The following PI4KA variants were observed in gnomAD, a reference collection of about 807,000 sequenced individuals.
The protein encoded by PI4KA is PI4-kinase alpha.
In PI4KA, 122 loss-of-function variants were observed where a neutral mutation model predicts 271.4. The ratio of observed to expected loss-of-function variants is 0.45; its 90% CI spans 0.39 to 0.52. The LOEUF (loss-of-function observed/expected upper bound fraction) is 0.52, where lower values mean the gene tolerates loss of function less well. Ranked by LOEUF, PI4KA falls within the 20% of genes least tolerant of loss-of-function variation. PI4KA has a pLI of 0.00. For missense variants in PI4KA, 1,969 were observed against 2,769.1 expected (o/e 0.71, Z 6.48); for synonymous variants, 1,041 against 1,078.8 (o/e 0.96, Z 0.69).
chr22:20,737,031 G>A (rs1264823895), intron 32 of PI4KA, among the ~76,000 whole-genome samples: 1 of 152,260 alleles, frequency 6.6e-6, no homozygotes, highest in Admixed American at 6.5e-5. Flanking sequence ...GTCTGGAGCT[G>A]TGGTTGGACC....
intron 7 of PI4KA, among the ~76,000 whole-genome samples, chr22:20,815,379 C>CAAAAAAAAAAAAAAAAAAA (rs361826): frequency 8.3e-5 from 7 of 83,966 alleles, no homozygotes; most frequent in Admixed American, 1.3e-4. Context: ...GACTGCGTCT[C>CAAAAAAAAAAAAAAAAAAA]AAAAAAAAAA....
At chr22:20,757,888 T>G (rs1294328848) in intron 23 of PI4KA, among the ~76,000 whole-genome samples, 4 of 152,162 alleles carry the variant, frequency 2.6e-5, no homozygotes, top group Non-Finnish European at 4.4e-5. Flanking sequence ...CTGAATAATG[T>G]GCTAGGTGCT....
intron 29 of PI4KA, among the ~76,000 whole-genome samples, chr22:20,746,563 G>T (rs949266588): frequency 6.6e-6 from 1 of 152,130 alleles, no homozygotes; most frequent in Admixed American, 6.5e-5. Context: ...CCCCCAAAAA[G>T]GAAAAGGCTT....
At chr22:20,769,394 G>C (rs889807481) in intron 19 of PI4KA, among the ~76,000 whole-genome samples, 2 of 152,194 alleles carry the variant, frequency 1.3e-5, no homozygotes, top group African/African-American at 4.8e-5. Context: ...GTCAGGCCAG[G>C]TGTGGTGGCT....
chr22:20,760,384 A>G (rs1931841146), intron 23 of PI4KA, among the ~76,000 whole-genome samples: 1 of 152,190 alleles, frequency 6.6e-6, no homozygotes, highest in South Asian at 2.1e-4. Context: ...GTGCCCTTAC[A>G]CTAAAACTGG....
At position 20,711,528 on chromosome 22, in the gene PI4KA, C is replaced by A; in HGVS notation, c.5803-67G>T. The A allele has an allele frequency of 3.6e-6, 4 of 1,104,492 alleles. No homozygotes were observed. The South Asian group carries it at 4.1e-5, about 11-fold the overall frequency. 68.4% of individuals were successfully genotyped at this position (1,104,492 alleles called of 1,614,324 possible). A position where few individuals can be genotyped will look rare whatever the true frequency, so the allele number is the denominator to read the frequency against. On this transcript the variant is annotated intron_variant, in intron 50 of 54. Transcript: ENST00000255882. ...TGTGGGCATTCTCCCTGGTCCCACA[C>A]CCAGGATCCCTGGGCCTGTGGGCAC... is the stretch of plus-strand genomic sequence containing the variant.
chr22:20,711,138 C>T lies in PI4KA; in HGVS notation c.5923+203G>A, dbSNP rs1257886638. 7.3e-6 allele frequency: 4 copies of T among 549,142 alleles called. 1 individual carries two copies. The African/African-American group carries it at 1.0e-4, about 14-fold the overall frequency. The allele number at this position is 549,142 out of a possible 1,614,324, so 34.0% of individuals were successfully genotyped here. On this transcript the variant is annotated intron_variant, in intron 51 of 54. Coordinates refer to ENST00000255882, the MANE Select transcript of PI4KA (RefSeq NM_058004.4). ...CTTCTGACTCAGAGCAATGGCGGCT[C>T]TCGCCCTAGCTCCCTGGGGCCGGGG...
chr22:20,749,513 G>A (rs1192604043), intron 28 of PI4KA, among the ~76,000 whole-genome samples: 1 of 152,274 alleles, frequency 6.6e-6, no homozygotes, highest in Non-Finnish European at 1.5e-5. Context: ...CTCTGCCTCT[G>A]CTCCACCAGC....
At chr22:20,843,209 C>T (rs1011550079) in intron 1 of PI4KA, among the ~76,000 whole-genome samples, 1 of 151,800 alleles carries the variant, frequency 6.6e-6, no homozygotes, top group East Asian at 1.9e-4. Flanking sequence ...GAAAAAAATA[C>T]GGCCAGGCAT....
intron 22 of PI4KA, 116 bp downstream of exon 22, chr22:20,764,701 G>A: frequency 1.7e-6 from 2 of 1,177,556 alleles, no homozygotes; most frequent in Non-Finnish European, 2.3e-6. Context: ...TGGTTTTTCA[G>A]AAAGTTTGCA....
rs763370709 is a variant in PI4KA at position 20,819,911 on chromosome 22, A to G, written c.530-11T>C. 1 of 1,609,822 alleles carries G rather than the reference A, an allele frequency of 6.2e-7. No homozygotes were observed. The highest frequency in any genetic ancestry group is 2.2e-5 in the East Asian group (1 of 44,860). ...ACTTGCAAAGGTATTCTAGAAGATC[A>G]AGTGAAAACGTTACAATATAAGAAA... On this transcript the variant is annotated splice_polypyrimidine_tract_variant and intron_variant, in intron 5 of 54. Coordinates refer to ENST00000255882, the MANE Select transcript of PI4KA (RefSeq NM_058004.4).
In PI4KA at chr22:20,803,267, C is replaced by A. The variant is rs777116364; in HGVS notation, c.1515G>T (p.Pro505=). The A allele has an allele frequency of 2.5e-6, 4 of 1,614,058 alleles. No homozygotes were observed. The highest frequency in any genetic ancestry group is 3.4e-6 in the Non-Finnish European group (4 of 1,179,932). The part of the protein sequence containing the change: ...RFPVVVHSVT[P]SLRDFLVIPS... ...GGATGACCAGGAAGTCTCGCAAGGA[C>A]GGTGTCACAGAGTGCACCACCACCG... The change falls in exon 13 of 55, where the codon CCG becomes CCT. Residue 505 remains proline (P), a synonymous_variant. Coordinates refer to ENST00000255882, the MANE Select transcript of PI4KA (RefSeq NM_058004.4).
At chr22:20,822,814 G>A (rs986826815) in intron 4 of PI4KA, among the ~76,000 whole-genome samples, 1 of 152,232 alleles carries the variant, frequency 6.6e-6, no homozygotes, top group Non-Finnish European at 1.5e-5. Context: ...TGAAGTTGGT[G>A]TGACATGACT....
rs577795177 is a variant in PI4KA at position 20,730,027 on chromosome 22, T to C, written c.4289-16A>G. On this transcript the variant is annotated splice_polypyrimidine_tract_variant and intron_variant, in intron 36 of 54. Transcript: ENST00000255882. ...TCCTGATTATCTGAGGGCAAACACA[T>C]TGTTGATTCTAGAGTGAGGTGGCTC... is the stretch of plus-strand genomic sequence containing the variant. 6.8e-6 allele frequency: 11 copies of C among 1,613,726 alleles called. No homozygotes were observed. Among genetic ancestry groups the C allele is most frequent in the South Asian group, 5.5e-5 (5 of 91,042 alleles).
At chr22:20,793,334 C>T in intron 18 of PI4KA, 91 bp from the exon 19 acceptor site, 1 of 730,248 alleles carries the variant, frequency 1.4e-6, no homozygotes, top group Non-Finnish European at 2.4e-6. Context: ...GTTATGTAAA[C>T]CTGGAATGTC....
At chr22:20,751,637 G>C in intron 26 of PI4KA, 37 bp downstream of exon 26, 2 of 1,530,956 alleles carry the variant, frequency 1.3e-6, no homozygotes, top group Non-Finnish European at 9.1e-7. Context: ...GGTAGAGCGG[G>C]TGGTGTTTGG....
rs970082911 is a variant in PI4KA at position 20,781,334 on chromosome 22, G to A, written c.2328+11859C>T. 2.0e-5 allele frequency among the ~76,000 whole-genome samples: 3 copies of A among 152,204 alleles called. 1 individual carries two copies. On this transcript the variant is annotated intron_variant, in intron 19 of 54. Coordinates refer to ENST00000255882, the MANE Select transcript of PI4KA (RefSeq NM_058004.4). ...AACACGAGGAATGGTTCGGCTTCAG[G>A]ACTAATTGCGGTGACACACAACCAC...
Position 20,788,061 on chromosome 22 carries a change from C to T in PI4KA, c.2328+5132G>A, listed in dbSNP as rs143333775. ...GGAATATGTTTCTGGATCCTTCAAT[C>T]CCTGGGTAAGACAAGTGAAATCCAC... On this transcript the variant is annotated intron_variant, in intron 19 of 54. Coordinates refer to ENST00000255882, the MANE Select transcript of PI4KA (RefSeq NM_058004.4). 6.9e-3 allele frequency among the ~76,000 whole-genome samples: 1,056 copies of T among 152,316 alleles called. 5 individuals carry two copies. Among genetic ancestry groups the T allele is most frequent in the Non-Finnish European group, 0.011 (725 of 68,024 alleles).
intron 36 of PI4KA, among the ~76,000 whole-genome samples, chr22:20,731,960 G>A (rs1269684507): frequency 2.8e-5 from 4 of 143,516 alleles, no homozygotes; most frequent in South Asian, 2.2e-4. Context: ...AAGTCTGGGC[G>A]CGGAGATCGA....
Sources: allele counts gnomAD v4.1 joint callset (sites outside exome capture counted in the v4.1 genomes callset), GRCh38; gene constraint gnomAD v4.1.1; transcripts MANE v1.5; gene names NCBI Gene and HGNC (gene_info 2026-07-23, HGNC 2026-07-21).